KHDRBS2: variants seen among roughly 807,000 people sequenced by gnomAD.
KHDRBS2 encodes KH domain-containing, RNA-binding, signal transduction-associated protein 2.
KHDRBS2 carries 26 observed loss-of-function variants against 44.3 expected under a neutral mutation model. The observed-to-expected ratio is 0.59, with a 90% CI of 0.43 to 0.81. The LOEUF (loss-of-function observed/expected upper bound fraction) is 0.81. Among genes scored for constraint, KHDRBS2 ranks in the 40% least tolerant of loss-of-function variants. The pLI is 0.00. For synonymous variants in KHDRBS2, 194 were observed against 151.1 expected, an observed-to-expected ratio of 1.28 and a Z score of -2.08; for missense variants, 476 against 433.1, an observed-to-expected ratio of 1.10 and a Z score of -0.88.
At chr6:61,619,167 G>A in the KHDRBS2 span, among the ~76,000 whole-genome samples, 18 of 151,846 alleles carry the variant, frequency 1.2e-4, no homozygotes, top group Non-Finnish European at 2.2e-4. Context: ...TTTGTTATAT[G>A]GATGAATTAT....
the KHDRBS2 span, among the ~76,000 whole-genome samples, chr6:61,546,679 G>A: frequency 6.6e-6 from 1 of 152,100 alleles, no homozygotes; most frequent in Non-Finnish European, 1.5e-5. Context: ...GTGAGTATCA[G>A]TGGTCACAGC....
intron 1 of KHDRBS2, among the ~76,000 whole-genome samples, chr6:62,247,239 C>G (rs1194878196): frequency 6.6e-6 from 1 of 151,940 alleles, no homozygotes; most frequent in Non-Finnish European, 1.5e-5. Flanking sequence ...TAGGATGGTG[C>G]AAACATAATT....
At chr6:61,953,478 T>C (rs1765204037) in intron 4 of KHDRBS2, among the ~76,000 whole-genome samples, 2 of 151,998 alleles carry the variant, frequency 1.3e-5, no homozygotes, top group South Asian at 2.1e-4. Flanking sequence ...AAAAGGTAAA[T>C]TGAAATTTAG....
At chr6:61,730,826 G>A (rs1485581475) in intron 7 of KHDRBS2, among the ~76,000 whole-genome samples, 2 of 150,318 alleles carry the variant, frequency 1.3e-5, no homozygotes, top group South Asian at 2.1e-4. Flanking sequence ...TTATATATAT[G>A]TGTGTGTGTG....
chr6:61,663,528 C>CT, the KHDRBS2 span, among the ~76,000 whole-genome samples: 1 of 8,102 alleles, frequency 1.2e-4, no homozygotes. Flanking sequence ...TATATATATG[C>CT]AGCTGGGACA....
chr6:62,152,885 C>T (rs1924664), intron 2 of KHDRBS2, among the ~76,000 whole-genome samples: 91,976 of 152,000 alleles, frequency 0.61, 28,028 homozygotes, highest in Non-Finnish European at 0.62. Context: ...CAAATTAATA[C>T]CTTGAGCCTG....
chr6:61,583,801 G>A, the KHDRBS2 span, among the ~76,000 whole-genome samples: 2 of 151,384 alleles, frequency 1.3e-5, no homozygotes, highest in Non-Finnish European at 3.0e-5. Context: ...TCAATTTGTG[G>A]AAAATTAATT....
the KHDRBS2 span, among the ~76,000 whole-genome samples, chr6:61,624,293 T>A: frequency 6.6e-6 from 1 of 152,174 alleles, no homozygotes; most frequent in Non-Finnish European, 1.5e-5. Context: ...GGCTATACAC[T>A]GGCTCTGTGG....
intron 6 of KHDRBS2, among the ~76,000 whole-genome samples, chr6:61,871,513 C>A (rs1380227050): frequency 6.6e-6 from 1 of 152,056 alleles, no homozygotes; most frequent in African/African-American, 2.4e-5. Context: ...GACAACACCA[C>A]AAAGATACTC....
chr6:61,734,045 C>T (rs1473020359), intron 6 of KHDRBS2, among the ~76,000 whole-genome samples: 2 of 152,172 alleles, frequency 1.3e-5, no homozygotes, highest in Non-Finnish European at 2.9e-5. Context: ...TTGACTAACA[C>T]TTTTAAGCCC....
chr6:62,206,132 C>T (rs1216801808), intron 1 of KHDRBS2, among the ~76,000 whole-genome samples: 2 of 152,094 alleles, frequency 1.3e-5, no homozygotes, highest in African/African-American at 4.8e-5. Context: ...AGTCCGTATA[C>T]AACAGAGAAC....
At chr6:61,836,400 T>C (rs1792674402) in intron 6 of KHDRBS2, among the ~76,000 whole-genome samples, 1 of 152,034 alleles carries the variant, frequency 6.6e-6, no homozygotes, top group African/African-American at 2.4e-5. Flanking sequence ...TACTATTGGA[T>C]GGATCTGAAG....
the KHDRBS2 span, among the ~76,000 whole-genome samples, chr6:61,633,398 A>G: frequency 6.6e-6 from 1 of 152,098 alleles, no homozygotes; most frequent in Non-Finnish European, 1.5e-5. Flanking sequence ...GAGGATATTG[A>G]ACAATTTACA....
intron 6 of KHDRBS2, among the ~76,000 whole-genome samples, chr6:61,790,472 T>C (rs77714155): frequency 0.065 from 9,774 of 150,634 alleles, 399 homozygotes; most frequent in Middle Eastern, 0.13. Context: ...AATTCTTTAA[T>C]GGCAATTCAA....
intron 7 of KHDRBS2, among the ~76,000 whole-genome samples, chr6:61,729,125 C>T (rs1774032780): frequency 6.6e-6 from 1 of 152,134 alleles, no homozygotes; most frequent in Non-Finnish European, 1.5e-5. Flanking sequence ...GGTAGATATA[C>T]ACCATGGAAT....
chr6:61,848,126 T>C (rs188871652), intron 6 of KHDRBS2, among the ~76,000 whole-genome samples: 200 of 152,068 alleles, frequency 1.3e-3, no homozygotes, highest in African/African-American at 4.6e-3. Flanking sequence ...AGTATCATAA[T>C]TGCCATGTTA....
chr6:61,634,516 C>T, the KHDRBS2 span, among the ~76,000 whole-genome samples: 5 of 138,362 alleles, frequency 3.6e-5, no homozygotes, highest in Admixed American at 7.5e-5. Context: ...CTTTCCCTGT[C>T]CTAATAGACA....
chr6:61,928,117 T>C lies in KHDRBS2; in HGVS notation c.484-26746A>G, dbSNP rs558133822. 4.6e-5 allele frequency among the ~76,000 whole-genome samples: 7 copies of C among 152,222 alleles called. No individual in the cohort carries two copies. The South Asian group carries it at 6.2e-4, about 14-fold the overall frequency. On this transcript the variant is annotated intron_variant, in intron 4 of 8. Transcript: ENST00000281156. The stretch of plus-strand genomic sequence containing the variant: ...TCATGTTCTTGTGTTTACCTTATTA[T>C]ATAAAATGCTGAGAATTTTCACAGG...
chr6:61,571,260 A>C, the KHDRBS2 span, among the ~76,000 whole-genome samples: 1 of 152,274 alleles, frequency 6.6e-6, no homozygotes, highest in Non-Finnish European at 1.5e-5. Flanking sequence ...TAAAGCATGC[A>C]GAAGTAGCTA....
Sources: gnomAD v4.1 joint callset for allele counts (sites outside exome capture counted in the v4.1 genomes callset) on GRCh38, gnomAD v4.1.1 for gene constraint, MANE v1.5 for transcripts, NCBI Gene and HGNC (gene_info 2026-07-23, HGNC 2026-07-21) for gene names.